Variants in SNX27 observed in about 807,000 individuals in gnomAD.
SNX27 encodes sorting nexin 27.
A neutral mutation model predicts 71.6 loss-of-function variants in SNX27; 22 were observed. The observed-to-expected ratio is 0.31, with a 90% CI of 0.22 to 0.44. SNX27 has a LOEUF of 0.44. SNX27 is among the 20% of genes least tolerant of loss of function. SNX27 has a pLI of 1.00. For synonymous variants in SNX27, 269 were observed against 277.2 expected, an observed-to-expected ratio of 0.97 and a Z score of 0.29; for missense variants, 531 against 698.6, an observed-to-expected ratio of 0.76 and a Z score of 2.70.
chr1:151,641,720 G>GAT (rs895867637), intron 2 of SNX27, among the ~76,000 whole-genome samples: 1 of 133,998 alleles, frequency 7.5e-6, no homozygotes, highest in African/African-American at 2.8e-5. Flanking sequence ...TATAGCATAT[G>GAT]ATATATATCA....
rs753592676 is a variant in SNX27, at chr1:151,694,468, C to A, written c.*51C>A. On this transcript the variant is annotated 3_prime_UTR_variant, in exon 12 of 12. Transcript: ENST00000458013. ...TTCACCCCCATCCTCTTACTCCTTTCATGTCCCATTTCAGACAGAGTAACC... is the reference window on the plus strand; with the variant it reads ...TTCACCCCCATCCTCTTACTCCTTTAATGTCCCATTTCAGACAGAGTAACC... 244 of 1,509,228 alleles carry A rather than the reference C, an allele frequency of 1.6e-4. No homozygotes were observed. Among genetic ancestry groups the A allele is most frequent in the Non-Finnish European group, 2.0e-4 (227 of 1,116,576 alleles). 93.5% of individuals were successfully genotyped at this position (1,509,228 alleles called of 1,614,324 possible). A position where few individuals can be genotyped will look rare whatever the true frequency, so the allele number is the denominator to read the frequency against.
chr1:151,615,381 G>A (rs924535627), intron 1 of SNX27, among the ~76,000 whole-genome samples: 4 of 150,330 alleles, frequency 2.7e-5, no homozygotes, highest in Admixed American at 1.3e-4. Flanking sequence ...TCCTTTCTTC[G>A]ATAGTCTGCG....
intron 1 of SNX27, among the ~76,000 whole-genome samples, chr1:151,618,604 C>G (rs893426853): frequency 6.6e-6 from 1 of 152,172 alleles, no homozygotes; most frequent in African/African-American, 2.4e-5. Context: ...TTACCATGCT[C>G]TCAAAGATAA....
intron 1 of SNX27, among the ~76,000 whole-genome samples, chr1:151,619,078 C>A (rs538146937): frequency 6.6e-6 from 1 of 151,556 alleles, no homozygotes; most frequent in Non-Finnish European, 1.5e-5. Context: ...CAGTGGCTCA[C>A]GCCTGTAATC....
intron 1 of SNX27, among the ~76,000 whole-genome samples, chr1:151,623,954 A>T (rs1196355): frequency 0.9 from 137,261 of 152,152 alleles, 62,934 homozygotes; most frequent in Non-Finnish European, 0.99. Context: ...TACATTTTTT[A>T]AAAATTTATT....
intron 2 of SNX27, among the ~76,000 whole-genome samples, chr1:151,645,488 T>C (rs1668994516): frequency 6.6e-6 from 1 of 152,270 alleles, no homozygotes. Flanking sequence ...AGCTGTAAGC[T>C]GTGTCGCCTT....
At chr1:151,637,807 A>G (rs1262741670) in intron 1 of SNX27, among the ~76,000 whole-genome samples, 2 of 152,376 alleles carry the variant, frequency 1.3e-5, no homozygotes, top group Non-Finnish European at 2.9e-5. Flanking sequence ...TAAATTTAGT[A>G]TCATTTTTCA....
chr1:151,694,181 A>G (rs2102746547), intron 11 of SNX27, 189 bp from the exon 12 acceptor site: 1 of 1,361,862 alleles, frequency 7.3e-7, no homozygotes, highest in East Asian at 2.8e-5. Flanking sequence ...AGACTGAACC[A>G]CGTAATTAAT....
chr1:151,693,640 C>A (rs372276476), intron 11 of SNX27, 157 bp downstream of exon 11: 6 of 1,613,296 alleles, frequency 3.7e-6, no homozygotes, highest in African/African-American at 1.3e-5. Context: ...GGACATTCTT[C>A]CAGCAAGGTT....
chr1:151,684,211 T>C (rs1671091090), intron 8 of SNX27, among the ~76,000 whole-genome samples: 1 of 152,212 alleles, frequency 6.6e-6, no homozygotes, highest in Non-Finnish European at 1.5e-5. Flanking sequence ...CATCCTAGAA[T>C]TGTGCTATTT....
rs781653869 is a variant in SNX27, at chr1:151,693,633, C to T, written c.1578+150C>T. The T allele has an allele frequency of 1.9e-6, 3 of 1,613,492 alleles. No homozygotes were observed. The East Asian group carries it at 6.7e-5, about 36-fold the overall frequency. On this transcript the variant is annotated intron_variant, in intron 11 of 11. Transcript: ENST00000458013. ...ACTGATTATCTCATGTGAGCCAGGA[C>T]ATTCTTCCAGCAAGGTTGGCCTCTG...
At position 151,696,498 on chromosome 1, in the gene SNX27, T is replaced by TTTCTTTCTTTCTTTCG. The variant is rs1553267129; in HGVS notation, c.*2088_*2089insTTTCTTTCGTTCTTTC. On this transcript the variant is annotated 3_prime_UTR_variant, in exon 12 of 12. Transcript: ENST00000458013. ...CTTTCTTTCTTTCTTTCTTTCTTTCTTTCTTTCGTTCTTTCGTTCTTTCGT... is the reference window on the plus strand; with the variant it reads ...CTTTCTTTCTTTCTTTCTTTCTTTCTTTCTTTCTTTCTTTCGTTCTTTCGTTCTTTCGTTCTTTCGT... 420 of 106,524 alleles carry TTTCTTTCTTTCTTTCG rather than the reference T, an allele frequency of 3.9e-3. 1 individual carries two copies. The highest frequency in any genetic ancestry group is 0.011 in the South Asian group (34 of 3,152). The allele number at this position is 106,524 out of a possible 1,614,324, so 6.6% of individuals were successfully genotyped here. A position where few individuals can be genotyped will look rare whatever the true frequency, so the allele number is the denominator to read the frequency against.
At chr1:151,619,331 T>A (rs1348096664) in intron 1 of SNX27, among the ~76,000 whole-genome samples, 1 of 152,210 alleles carries the variant, frequency 6.6e-6, no homozygotes, top group Non-Finnish European at 1.5e-5. Context: ...ACAGAAACCC[T>A]GTCTCAAAAA....
At chr1:151,643,575 G>A (rs939694363) in intron 2 of SNX27, among the ~76,000 whole-genome samples, 6 of 152,012 alleles carry the variant, frequency 3.9e-5, no homozygotes, top group Admixed American at 1.3e-4. Context: ...TTACAGGTGT[G>A]AGCCACTGCA....
At position 151,665,960 on chromosome 1, in the gene SNX27, A is replaced by G. The variant is rs1189467276; in HGVS notation, c.934A>G (p.Ser312Gly). ...TATCGCAGCAAAGGTTGGCATGGAC[A>G]GTACGACAGTGAATTACTTTGCCTT... The part of the protein sequence containing the change: ...QAIAAKVGMD[S>G]TTVNYFALFE... Residue 312 changes from serine to glycine, a missense_variant, in exon 6 of 12, where the codon AGT (serine) becomes GGT (glycine). By Grantham distance (56) the Ser-to-Gly change is moderately conservative. Around this residue, in one of 5 missense-constraint regions of SNX27, gnomAD observed 184 missense variants for 289.6 expected, o/e 0.64. Coordinates refer to ENST00000458013, the MANE Select transcript of SNX27 (RefSeq NM_001330723.2). 6.2e-6 allele frequency: 10 copies of G among 1,607,408 alleles called. No individual in the cohort carries two copies. The highest frequency in any genetic ancestry group is 8.5e-6 in the Non-Finnish European group (10 of 1,175,926).
At chr1:151,692,350 C>T (rs751586817) in intron 8 of SNX27, 85 bp from the exon 9 acceptor site, 202 of 1,411,948 alleles carry the variant, frequency 1.4e-4, no homozygotes, top group Non-Finnish European at 1.8e-4. Context: ...CACCACATCT[C>T]AATAGCTCTT....
rs1201061741 is a variant in SNX27, at chr1:151,694,391, T to C, written c.1600T>C (p.Ser534Pro). 6 of 1,549,954 alleles carry C rather than the reference T, an allele frequency of 3.9e-6. No homozygotes were observed. Among genetic ancestry groups the C allele is most frequent in the Non-Finnish European group, 5.2e-6 (6 of 1,146,780 alleles). Residue 534 changes from serine (S) to proline (P), a missense_variant, in exon 12 of 12, where the codon TCA becomes CCA. This residue lies in a region of SNX27 where 157 missense variants were observed against 178.4 expected (regional missense o/e 0.88). Transcript: ENST00000458013. ...RKENIFQMARSQQRDVAT is the reference protein window; with the variant it reads ...RKENIFQMARPQQRDVAT ...TCAGAACATTTTCCAGATGGCGAGG[T>C]CACAGCAGAGAGATGTGGCCACCTA...
intron 1 of SNX27, among the ~76,000 whole-genome samples, chr1:151,619,011 C>CAA (rs35003953): frequency 2.1e-5 from 3 of 139,872 alleles, no homozygotes; most frequent in Non-Finnish European, 4.7e-5. Flanking sequence ...AATATATATG[C>CAA]AAAAAAAAAA....
chr1:151,612,571 C>A lies in SNX27; in HGVS notation c.311+59C>A. Reference sequence around the variant, plus strand: ...CCCGCGCCCCTCCTGCCCCTGCACTCCTCGCTACCCTTGTCACCCCCAGGC... The same window carrying A: ...CCCGCGCCCCTCCTGCCCCTGCACTACTCGCTACCCTTGTCACCCCCAGGC... On this transcript the variant is annotated intron_variant, in intron 1 of 11. Coordinates refer to ENST00000458013, the MANE Select transcript of SNX27 (RefSeq NM_001330723.2). This position sits in a 1 kb window ranked among gnomAD's most constrained non-coding sequence, Gnocchi z 5.2. 1 of 1,198,374 alleles carries A rather than the reference C, an allele frequency of 8.3e-7. No individual in the cohort carries two copies. Among genetic ancestry groups the A allele is most frequent in the Non-Finnish European group, 1.1e-6 (1 of 935,856 alleles). 74.2% of individuals were successfully genotyped at this position (1,198,374 alleles called of 1,614,324 possible).
Sources: gnomAD v4.1 joint callset for allele counts (sites outside exome capture counted in the v4.1 genomes callset) on GRCh38, gnomAD v4.1.1 for gene constraint, gnomAD v4.1.1 regional missense constraint, Gnocchi (gnomAD v3.1) non-coding constraint, MANE v1.5 for transcripts, NCBI Gene and HGNC (gene_info 2026-07-23, HGNC 2026-07-21) for gene names.